Variants in COL23A1 observed in about 807,000 individuals in gnomAD.
COL23A1 encodes collagen alpha-1(XXIII) chain.
COL23A1 carries 97 observed loss-of-function variants against 99.3 expected under a neutral mutation model. That is an observed-to-expected ratio of 0.98 (90% CI 0.83 to 1.16). The LOEUF (loss-of-function observed/expected upper bound fraction) is 1.16. Ranked by LOEUF, COL23A1 falls within the 50% of genes most tolerant of loss-of-function variation. The pLI is 0.00. For synonymous variants in COL23A1, 320 were observed against 308.2 expected, an observed-to-expected ratio of 1.04 and a Z score of -0.40; for missense variants, 762 against 757.4, an observed-to-expected ratio of 1.01 and a Z score of -0.07.
chr5:178,386,483 T>A (rs1385442214), intron 2 of COL23A1, among the ~76,000 whole-genome samples: 1 of 151,572 alleles, frequency 6.6e-6, no homozygotes, highest in African/African-American at 2.4e-5. Context: ...ATATTAGGAA[T>A]AAGACTCACT....
intron 2 of COL23A1, among the ~76,000 whole-genome samples, chr5:178,404,719 C>G (rs1415683461): frequency 6.6e-6 from 1 of 152,132 alleles, no homozygotes; most frequent in East Asian, 1.9e-4. Flanking sequence ...TGTCCTCCGT[C>G]CCCTCAGAGA....
At chr5:178,570,200 C>T (rs1201157160) in intron 1 of COL23A1, among the ~76,000 whole-genome samples, 2 of 151,622 alleles carry the variant, frequency 1.3e-5, no homozygotes, top group African/African-American at 4.9e-5. Flanking sequence ...ACAGCCTCGA[C>T]CTCCTGGGCT....
At chr5:178,360,251 G>T (rs1762104244) in intron 2 of COL23A1, among the ~76,000 whole-genome samples, 1 of 152,134 alleles carries the variant, frequency 6.6e-6, no homozygotes, top group African/African-American at 2.4e-5. Context: ...TTTCTCAGTT[G>T]CGAAAACCTA....
At chr5:178,482,716 AC>A (rs1040847536) in intron 2 of COL23A1, among the ~76,000 whole-genome samples, 30 of 151,356 alleles carry the variant, frequency 2.0e-4, no homozygotes, top group African/African-American at 7.3e-4. Context: ...ACATGGTGAA[AC>A]CCCGTTGCTA....
intron 5 of COL23A1, among the ~76,000 whole-genome samples, chr5:178,283,176 G>A (rs550041468): frequency 1.3e-5 from 2 of 152,052 alleles, no homozygotes; most frequent in Non-Finnish European, 2.9e-5. Context: ...GTGAGCCACC[G>A]CGCCCGGCCG....
chr5:178,238,677 G>A lies in COL23A1; in HGVS notation c.*21C>T. 1.2e-6 allele frequency: 2 copies of A among 1,612,126 alleles called. No individual in the cohort carries two copies. Among genetic ancestry groups the A allele is most frequent in the South Asian group, 1.1e-5 (1 of 90,994 alleles). ...AAAAATGTCCACACGGATCTGTACA[G>A]GTGTGAGCTGGGCCTGTGGGTCACT... On this transcript the variant is annotated 3_prime_UTR_variant, in exon 29 of 29. Coordinates refer to ENST00000390654, the MANE Select transcript of COL23A1 (RefSeq NM_173465.4).
chr5:178,328,486 G>C (rs955984196), intron 2 of COL23A1, among the ~76,000 whole-genome samples: 2 of 152,178 alleles, frequency 1.3e-5, no homozygotes, highest in African/African-American at 4.8e-5. Flanking sequence ...CTATTCCCAC[G>C]AACTTGGGTA....
chr5:178,447,982 C>T (rs1767257952), intron 2 of COL23A1, among the ~76,000 whole-genome samples: 2 of 152,104 alleles, frequency 1.3e-5, no homozygotes, highest in South Asian at 4.2e-4. Context: ...AACCCACACT[C>T]GAGGGTCTGA....
At chr5:178,265,352 G>C (rs1755823167) in intron 8 of COL23A1, among the ~76,000 whole-genome samples, 1 of 152,158 alleles carries the variant, frequency 6.6e-6, no homozygotes, top group Non-Finnish European at 1.5e-5. Context: ...GATGGTGGCG[G>C]GTGATTCCTG....
chr5:178,272,929 C>T (rs965901071), intron 5 of COL23A1, among the ~76,000 whole-genome samples: 3 of 152,194 alleles, frequency 2.0e-5, no homozygotes, highest in South Asian at 2.1e-4. Flanking sequence ...CTGTAAGGTA[C>T]GTGTCATCAT....
chr5:178,476,073 C>T (rs139892642), intron 2 of COL23A1, among the ~76,000 whole-genome samples: 79 of 152,310 alleles, frequency 5.2e-4, no homozygotes, highest in African/African-American at 1.2e-3. Context: ...CCATCTTGGA[C>T]GCTAATCTGC....
chr5:178,557,133 G>A (rs1188332657), intron 2 of COL23A1, among the ~76,000 whole-genome samples: 1 of 152,156 alleles, frequency 6.6e-6, no homozygotes, highest in East Asian at 1.9e-4. Flanking sequence ...GGTGGCTGCA[G>A]GCATTTTGGT....
In COL23A1 at chr5:178,307,669, A is replaced by T. The variant is rs990696131; in HGVS notation, c.362-750T>A. 7.9e-5 allele frequency among the ~76,000 whole-genome samples: 12 copies of T among 152,234 alleles called. No homozygotes were observed. Among genetic ancestry groups the T allele is most frequent in the African/African-American group, 2.9e-4 (12 of 41,460 alleles). On this transcript the variant is annotated intron_variant, in intron 2 of 28. Transcript: ENST00000390654. The surrounding 1 kb of genome is among the most constrained non-coding windows in gnomAD (Gnocchi z 4.2). ...GCTTTGACTCTGGCCGTGGGAGCAG[A>T]GGTCTGAGGCCTCCCTCTCCCTCCC...
intron 2 of COL23A1, among the ~76,000 whole-genome samples, chr5:178,524,867 C>T (rs1284816084): frequency 1.3e-5 from 2 of 152,380 alleles, no homozygotes; most frequent in South Asian, 4.1e-4. Flanking sequence ...GCAATGCAGT[C>T]ATTCATTCAT....
At chr5:178,513,693 G>A (rs1759343174) in intron 2 of COL23A1, among the ~76,000 whole-genome samples, 2 of 151,936 alleles carry the variant, frequency 1.3e-5, no homozygotes, top group African/African-American at 4.8e-5. Context: ...GTTCCTATGG[G>A]TGTAGGACTA....
At chr5:178,341,488 C>A (rs1760657575) in intron 2 of COL23A1, among the ~76,000 whole-genome samples, 2 of 152,200 alleles carry the variant, frequency 1.3e-5, no homozygotes, top group Non-Finnish European at 2.9e-5. Context: ...CTGACCTGAG[C>A]AAAGGGGTCC....
intron 2 of COL23A1, among the ~76,000 whole-genome samples, chr5:178,383,064 C>T (rs943064029): frequency 1.3e-5 from 2 of 152,090 alleles, no homozygotes; most frequent in African/African-American, 4.8e-5. Flanking sequence ...GGGCTGGGGG[C>T]TGCTGGTGCA....
intron 2 of COL23A1, among the ~76,000 whole-genome samples, chr5:178,520,749 G>C (rs1196939100): frequency 2.0e-5 from 3 of 152,226 alleles, no homozygotes; most frequent in Non-Finnish European, 4.4e-5. Context: ...CCATGCTGGT[G>C]AGGATTCAAT....
At position 178,262,100 on chromosome 5, in the gene COL23A1, G is replaced by GCA. The variant is rs200546032; in HGVS notation, c.675+115_675+116dup. On this transcript the variant is annotated intron_variant, in intron 10 of 28. Coordinates refer to ENST00000390654, the MANE Select transcript of COL23A1 (RefSeq NM_173465.4). The stretch of plus-strand genomic sequence containing the variant: ...CAGACACGTACATGCAGAGGCGCGC[G>GCA]CACACACATAAACATGTGCGCGTGA... The GCA allele has an allele frequency of 1.8e-5, 20 of 1,100,542 alleles. No homozygotes were observed. In the African/African-American group the frequency reaches 2.2e-4, roughly 12 times the overall value. 68.2% of individuals were successfully genotyped at this position (1,100,542 alleles called of 1,614,324 possible).
Sources: gnomAD v4.1 joint callset for allele counts (sites outside exome capture counted in the v4.1 genomes callset) on GRCh38, gnomAD v4.1.1 for gene constraint, Gnocchi (gnomAD v3.1) non-coding constraint, MANE v1.5 for transcripts, NCBI Gene and HGNC (gene_info 2026-07-23, HGNC 2026-07-21) for gene names.